The following MXRA8 variants were observed in gnomAD, a reference collection of about 807,000 sequenced individuals.
MXRA8 encodes the protein matrix remodeling associated 8.
Under a neutral mutation model 51.4 loss-of-function variants are expected in MXRA8, and 44 were observed. The observed-to-expected ratio is 0.86, with a 90% confidence interval of 0.67 to 1.10. The LOEUF is 1.10. Among genes scored for constraint, MXRA8 ranks in the 50% least tolerant of loss-of-function variants. The probability of loss-of-function intolerance (pLI) is 0.00; values close to 1 mark genes in which losing one functional copy is unlikely to be tolerated. For missense variants in MXRA8, 765 were observed against 638.9 expected (o/e 1.20, Z -2.13); for synonymous variants, 369 against 293.5 (o/e 1.26, Z -2.63).
chr1:1,354,773 G>A lies in MXRA8; in HGVS notation c.858C>T (p.Val286=), dbSNP rs972425730. 1.2e-6 allele frequency: 2 copies of A among 1,611,864 alleles called. No homozygotes were observed. Among genetic ancestry groups the A allele is most frequent in the East Asian group, 2.2e-5 (1 of 44,852 alleles). ...HHYCGLHERR[V]FHLTVAEPHA... ...GGGGTTCGGCGACCGTCAGGTGGAA[G>A]ACGCGGCGTTCGTGCAGGCCACAGT... The change falls in exon 5 of 10, where the codon GTC becomes GTT. Residue 286 remains valine, a synonymous_variant. Transcript: ENST00000309212.
At chr1:1,353,650 C>T (rs757467726) in intron 9 of MXRA8, 21 bp from the exon 10 acceptor site, 13 of 1,561,402 alleles carry the variant, frequency 8.3e-6, no homozygotes, top group Admixed American at 3.8e-5. Context: ...AGGGCGCCAA[C>T]GGGTTGGCGG....
rs143876655 is a variant in MXRA8 at position 1,353,046 on chromosome 1, G to C, written c.*558C>G. 2.0e-5 allele frequency: 12 copies of C among 590,556 alleles called. No individual in the cohort carries two copies. In the East Asian group the frequency reaches 3.2e-4, roughly 16 times the overall value. The allele number at this position is 590,556 out of a possible 1,614,324, so 36.6% of individuals were successfully genotyped here. ...AGTCAGCAGGTCCCTGGGGAGAACA[G>C]ATGGTGCCTGGAGTCCCACATGGTG... On this transcript the variant is annotated 3_prime_UTR_variant, in exon 10 of 10. Transcript: ENST00000309212.
upstream of MXRA8, chr1:1,358,583 C>G (rs1369654761): frequency 6.5e-7 from 1 of 1,537,462 alleles, no homozygotes; most frequent in Non-Finnish European, 8.8e-7. Flanking sequence ...CCCTCCCCCT[C>G]CTTAGCACCC....
intron 1 of MXRA8, among the ~76,000 whole-genome samples, chr1:1,357,843 A>C (rs1450741419): frequency 6.6e-6 from 1 of 152,174 alleles, no homozygotes; most frequent in African/African-American, 2.4e-5. Flanking sequence ...TGTATGCAGA[A>C]CGCCCTGATC....
chr1:1,359,568 C>T, upstream of MXRA8: 4 of 985,300 alleles, frequency 4.1e-6, no homozygotes, highest in Non-Finnish European at 4.8e-6. Context: ...GGGGCTCACC[C>T]CTGAACCCTG....
Position 1,353,226 on chromosome 1 carries a change from T to G in MXRA8, c.*378A>C. On this transcript the variant is annotated 3_prime_UTR_variant, in exon 10 of 10. Transcript: ENST00000309212. ...CCCGACGAGCAGAGCCCTGGAGGAG[T>G]GGGACTCCTGCCCTGAGGCTGACCC... 2 of 1,369,778 alleles carry G rather than the reference T, an allele frequency of 1.5e-6. No homozygotes were observed. The highest frequency in any genetic ancestry group is 4.0e-5 in the Admixed American group (2 of 50,138). 84.9% of individuals were successfully genotyped at this position (1,369,778 alleles called of 1,614,324 possible).
intron 1 of MXRA8, among the ~76,000 whole-genome samples, chr1:1,357,770 A>G (rs1644161093): frequency 6.6e-6 from 1 of 152,192 alleles, no homozygotes; most frequent in African/African-American, 2.4e-5. Flanking sequence ...AGATCACGCC[A>G]CTGCACTGCA....
At chr1:1,356,860 G>A (rs1236772806) in intron 1 of MXRA8, among the ~76,000 whole-genome samples, 156 bp from the exon 2 acceptor site, 1 of 151,932 alleles carries the variant, frequency 6.6e-6, no homozygotes, top group African/African-American at 2.4e-5. Flanking sequence ...GACCTACATA[G>A]CCCTCCCTGC....
At position 1,357,359 on chromosome 1, in the gene MXRA8, C is replaced by T. The variant is rs944524379; in HGVS notation, c.50-655G>A. On this transcript the variant is annotated intron_variant, in intron 1 of 9. Transcript: ENST00000309212. ...CATCCCCCGTCCTCGAGCTGATCCA[C>T]CCAGACGCCCGCCCTACGCACTGTC... Among the ~76,000 whole-genome samples, 35 of 152,212 alleles carry T rather than the reference C, an allele frequency of 2.3e-4. 1 individual carries two copies. The highest frequency in any genetic ancestry group is 9.7e-5 in the African/African-American group (4 of 41,438).
At chr1:1,358,004 A>G (rs1166575664) in intron 1 of MXRA8, among the ~76,000 whole-genome samples, 1 of 152,106 alleles carries the variant, frequency 6.6e-6, no homozygotes, top group Non-Finnish European at 1.5e-5. Context: ...CATAGATCCT[A>G]TGTGAAAACT....
At chr1:1,362,058 T>C (rs565097304), upstream of MXRA8, among the ~76,000 whole-genome samples, 1 of 152,252 alleles carries the variant, frequency 6.6e-6, no homozygotes, top group African/African-American at 2.4e-5. Context: ...TTCCCGGCCA[T>C]GTCCCTGGCT....
intron 6 of MXRA8, 31 bp from the exon 7 acceptor site, chr1:1,354,263 C>T (rs922287382): frequency 1.9e-6 from 3 of 1,606,798 alleles, no homozygotes; most frequent in Non-Finnish European, 1.7e-6. Context: ...GGGGGCAGTG[C>T]CGCCCCTTCC....
Position 1,353,286 on chromosome 1 carries a change from C to G in MXRA8, c.*318G>C. On this transcript the variant is annotated 3_prime_UTR_variant, in exon 10 of 10. Coordinates refer to ENST00000309212, the MANE Select transcript of MXRA8 (RefSeq NM_032348.4). ...GGCTGCCAGGTTCTGATGGGAGTGTCCTCCAGGAATGTCTTCAGGCCCCCA... is the reference window on the plus strand; with the variant it reads ...GGCTGCCAGGTTCTGATGGGAGTGTGCTCCAGGAATGTCTTCAGGCCCCCA... 1 of 1,546,070 alleles carries G rather than the reference C, an allele frequency of 6.5e-7. No homozygotes were observed. The highest frequency in any genetic ancestry group is 8.7e-7 in the Non-Finnish European group (1 of 1,143,190).
rs138170698 is a variant in MXRA8, at chr1:1,353,897, C to T, written c.1254G>A (p.Ala418=). ...DYKNNILKER[A]ELAHSPLPAK... The stretch of plus-strand genomic sequence containing the variant: ...CAGGCAGGGGGCTGTGGGCCAGCTC[C>T]GCCCTCTCCTTCAGGATGTTGTTTT... The change falls in exon 9 of 10, where the codon GCG becomes GCA. Residue 418 remains alanine (A), a synonymous_variant. Transcript: ENST00000309212. 3.0e-4 allele frequency: 487 copies of T among 1,609,356 alleles called. 2 individuals carry two copies. The African/African-American group carries it at 5.4e-3, about 18-fold the overall frequency.
Position 1,353,103 on chromosome 1 carries a change from G to A in MXRA8, c.*501C>T. 1 of 659,574 alleles carries A rather than the reference G, an allele frequency of 1.5e-6. No individual in the cohort carries two copies. Among genetic ancestry groups the A allele is most frequent in the African/African-American group, 1.8e-5 (1 of 54,120 alleles). The allele number at this position is 659,574 out of a possible 1,614,324, so 40.9% of individuals were successfully genotyped here. Reference sequence around the variant, plus strand: ...GTGGGGGAGCTCTCGGTGGCAGGCAGCACCCCAGGAGGAGTGGGACTCCTG... The same window carrying A: ...GTGGGGGAGCTCTCGGTGGCAGGCAACACCCCAGGAGGAGTGGGACTCCTG... On this transcript the variant is annotated 3_prime_UTR_variant, in exon 10 of 10. Coordinates refer to ENST00000309212, the MANE Select transcript of MXRA8 (RefSeq NM_032348.4).
chr1:1,363,177 A>G (rs1365479675), upstream of MXRA8, among the ~76,000 whole-genome samples: 1 of 151,918 alleles, frequency 6.6e-6, no homozygotes, highest in African/African-American at 2.4e-5. Flanking sequence ...GAGCTACTCC[A>G]AGGGCTGAGG....
chr1:1,362,730 G>A (rs1324972823), upstream of MXRA8, among the ~76,000 whole-genome samples: 2 of 148,880 alleles, frequency 1.3e-5, no homozygotes, highest in Non-Finnish European at 1.5e-5. Flanking sequence ...GCAGTGAGCC[G>A]AGATCGTGCC....
chr1:1,358,908 A>T (rs1360105989), upstream of MXRA8: 2 of 1,002,076 alleles, frequency 2.0e-6, no homozygotes, highest in Non-Finnish European at 2.4e-6. Context: ...GCCTCCCCCC[A>T]CGTGAGCCAC....
chr1:1,355,145 G>A lies in MXRA8; in HGVS notation c.486C>T (p.Ala162=), dbSNP rs764979118. The A allele has an allele frequency of 3.5e-6, 5 of 1,419,428 alleles. No individual in the cohort carries two copies. Among genetic ancestry groups the A allele is most frequent in the Non-Finnish European group, 4.6e-6 (5 of 1,098,204 alleles). The allele number at this position is 1,419,428 out of a possible 1,614,324, so 87.9% of individuals were successfully genotyped here. A position where few individuals can be genotyped will look rare whatever the true frequency, so the allele number is the denominator to read the frequency against. The change falls in exon 5 of 10, where the codon GCC becomes GCT. Residue 162 remains alanine, a synonymous_variant. Transcript: ENST00000309212. The part of the protein sequence containing the change: ...VRLEVTDGPP[A]TPAYWDGEKE... Reference sequence around the variant, plus strand: ...TCTCGCCGTCCCAGTAGGCGGGGGTGGCCGGGGCTGCGGAGGGGGCGCGGT... The same window carrying A: ...TCTCGCCGTCCCAGTAGGCGGGGGTAGCCGGGGCTGCGGAGGGGGCGCGGT...
Sources: allele counts gnomAD v4.1 joint callset (sites outside exome capture counted in the v4.1 genomes callset), GRCh38; gene constraint gnomAD v4.1.1; transcripts MANE v1.5; gene names NCBI Gene and HGNC (gene_info 2026-07-23, HGNC 2026-07-21).